The following RAD52 variants were observed in gnomAD, a reference collection of about 807,000 sequenced individuals.
RAD52 encodes the protein RAD52 DNA repair protein.
Under a neutral mutation model 55.5 loss-of-function variants are expected in RAD52, and 47 were observed. The observed-to-expected ratio is 0.85, with a 90% CI of 0.67 to 1.08. The LOEUF (loss-of-function observed/expected upper bound fraction) is 1.08, where lower values mean the gene tolerates loss of function less well. Among genes scored for constraint, RAD52 ranks in the 50% least tolerant of loss-of-function variants. RAD52 has a pLI of 0.00. For missense variants in RAD52, 468 were observed against 522.8 expected, an observed-to-expected ratio of 0.90 and a Z score of 1.02; for synonymous variants, 184 against 198.9, an observed-to-expected ratio of 0.92 and a Z score of 0.63.
chr12:916,007 G>A (rs1004153754), intron 9 of RAD52, among the ~76,000 whole-genome samples: 4 of 152,102 alleles, frequency 2.6e-5, no homozygotes, highest in Admixed American at 2.6e-4. Flanking sequence ...ATGAGCCACC[G>A]TGCCCGGCCA....
In RAD52 at chr12:913,172, C is replaced by T. The variant is rs900159660; in HGVS notation, c.*219G>A. On this transcript the variant is annotated 3_prime_UTR_variant, in exon 12 of 12. Transcript: ENST00000358495. ...GCCGAAGAAAAGGTATTCATCTGTC[C>T]AGAGCCTCTCCCTACTAGAGTGATG... The T allele has an allele frequency of 2.2e-5, 12 of 535,736 alleles. No individual in the cohort carries two copies. The highest frequency in any genetic ancestry group is 3.9e-5 in the African/African-American group (2 of 51,058). The allele number at this position is 535,736 out of a possible 1,614,324, so 33.2% of individuals were successfully genotyped here.
At chr12:928,239 C>A (rs982554119) in intron 5 of RAD52, among the ~76,000 whole-genome samples, 1 of 152,042 alleles carries the variant, frequency 6.6e-6, no homozygotes, top group Admixed American at 6.6e-5. Flanking sequence ...AGGCCGGGTG[C>A]GGTGGCTCAC....
intron 1 of RAD52, among the ~76,000 whole-genome samples, chr12:972,814 C>T (rs995121248): frequency 2.7e-5 from 4 of 148,688 alleles, no homozygotes; most frequent in Non-Finnish European, 5.9e-5. Flanking sequence ...TGGGGGCACA[C>T]CTGGCATGGT....
chr12:935,679 C>A (rs1403005767), intron 1 of RAD52, among the ~76,000 whole-genome samples: 1 of 150,504 alleles, frequency 6.6e-6, no homozygotes, highest in Admixed American at 6.6e-5. Flanking sequence ...CATGGAAAAA[C>A]CCCGTCTCTA....
upstream of RAD52, chr12:990,732 G>C (rs545091668): frequency 6.6e-6 from 1 of 152,228 alleles, no homozygotes; most frequent in African/African-American, 2.4e-5. Context: ...GGTCGATCCC[G>C]GCGCTGCTCC....
chr12:968,942 C>T (rs558337498), intron 1 of RAD52, among the ~76,000 whole-genome samples: 7 of 152,110 alleles, frequency 4.6e-5, no homozygotes, highest in South Asian at 2.1e-4. Flanking sequence ...TCTCCGTATC[C>T]GTGGTTTCTG....
chr12:954,284 C>T (rs1958575605), upstream of RAD52, among the ~76,000 whole-genome samples: 1 of 152,178 alleles, frequency 6.6e-6, no homozygotes, highest in Admixed American at 6.6e-5. Flanking sequence ...ACTCTGTTAG[C>T]TGCTTATTAA....
At chr12:962,659 T>C (rs1377381774) in intron 1 of RAD52, among the ~76,000 whole-genome samples, 1 of 151,956 alleles carries the variant, frequency 6.6e-6, no homozygotes, top group African/African-American at 2.4e-5. Flanking sequence ...AGGAAGACAT[T>C]TTTTAAGACA....
At chr12:946,862 C>T (rs1958254751) in intron 1 of RAD52, among the ~76,000 whole-genome samples, 1 of 152,218 alleles carries the variant, frequency 6.6e-6, no homozygotes, top group African/African-American at 2.4e-5. Context: ...ATACACTCAT[C>T]TCCAACTACA....
At chr12:972,373 G>A (rs1334570044) in intron 1 of RAD52, among the ~76,000 whole-genome samples, 1 of 152,108 alleles carries the variant, frequency 6.6e-6, no homozygotes, top group East Asian at 1.9e-4. Context: ...GTTTCACATA[G>A]GGGCACCAGG....
upstream of RAD52, chr12:990,424 CA>C (rs1959170352): frequency 6.6e-6 from 1 of 152,062 alleles, no homozygotes; most frequent in Non-Finnish European, 1.5e-5. Context: ...AATCGGGTTG[CA>C]CCAGGCCCCA....
intron 1 of RAD52, among the ~76,000 whole-genome samples, chr12:937,864 T>C (rs1413881035): frequency 6.6e-6 from 1 of 152,138 alleles, no homozygotes; most frequent in Non-Finnish European, 1.5e-5. Context: ...CACCAGAAAA[T>C]TGAACCACCC....
Position 913,074 on chromosome 12 carries a change from CCA to C in RAD52, c.*315_*316del. ...GCCTATATTGCTTGAGGGCAAGGAG[CCA>C]TTGGTGATTCCTAAAATGTCCATCT... On this transcript the variant is annotated 3_prime_UTR_variant, in exon 12 of 12. Transcript: ENST00000358495. 1 of 182,272 alleles carries C rather than the reference CCA, an allele frequency of 5.5e-6. No homozygotes were observed. The highest frequency in any genetic ancestry group is 1.2e-4 in the Admixed American group (1 of 8,296). The allele number at this position is 182,272 out of a possible 1,614,324, so 11.3% of individuals were successfully genotyped here. A position where few individuals can be genotyped will look rare whatever the true frequency, so the allele number is the denominator to read the frequency against.
At chr12:924,989 C>T (rs1280982434) in intron 7 of RAD52, among the ~76,000 whole-genome samples, 7 of 144,380 alleles carry the variant, frequency 4.8e-5, no homozygotes, top group African/African-American at 1.0e-4. Context: ...CTGGCTCTGT[C>T]GCCCAGGTTG....
intron 1 of RAD52, among the ~76,000 whole-genome samples, chr12:964,838 A>G (rs755822349): frequency 1.3e-4 from 19 of 151,990 alleles, no homozygotes; most frequent in Non-Finnish European, 2.8e-4. Context: ...GGGACTCCCA[A>G]CGTGCTGGGG....
chr12:957,746 C>T lies in RAD52; in HGVS notation c.-18-24670G>A, dbSNP rs1412763037. Among the ~76,000 whole-genome samples, 10 of 152,056 alleles carry T rather than the reference C, an allele frequency of 6.6e-5. No homozygotes were observed. The East Asian group carries it at 9.6e-4, about 15-fold the overall frequency. ...CGGAGGTTGCAGTGAGTGGAGATCGCGCCACTGCACTCCAGCCTGGGCAAT... is the reference window on the plus strand; with the variant it reads ...CGGAGGTTGCAGTGAGTGGAGATCGTGCCACTGCACTCCAGCCTGGGCAAT... On this transcript the variant is annotated intron_variant, in intron 1 of 11. Transcript: ENST00000430095.
chr12:914,691 C>T (rs1321673172), intron 9 of RAD52, among the ~76,000 whole-genome samples, 159 bp from the exon 10 acceptor site: 2 of 152,180 alleles, frequency 1.3e-5, no homozygotes, highest in Non-Finnish European at 2.9e-5. Context: ...ACTTCAGCTT[C>T]CCGAGTCCCA....
At chr12:969,506 G>T (rs954485027) in intron 1 of RAD52, among the ~76,000 whole-genome samples, 3 of 151,970 alleles carry the variant, frequency 2.0e-5, no homozygotes, top group Non-Finnish European at 2.9e-5. Flanking sequence ...AGAATTTTAA[G>T]CTGGGCATGG....
chr12:945,567 G>A (rs1958171940), intron 1 of RAD52, among the ~76,000 whole-genome samples: 1 of 150,980 alleles, frequency 6.6e-6, no homozygotes, highest in Admixed American at 6.6e-5. Context: ...CTGAGTAGCT[G>A]GAACTACAGG....
Sources: gnomAD v4.1 joint callset for allele counts (sites outside exome capture counted in the v4.1 genomes callset) on GRCh38, gnomAD v4.1.1 for gene constraint, MANE v1.5 for transcripts, NCBI Gene and HGNC (gene_info 2026-07-23, HGNC 2026-07-21) for gene names.